ANKRD26: variants seen among roughly 807,000 people sequenced by gnomAD.
ANKRD26 encodes the protein ankyrin repeat domain 26, also known as ankyrin repeat domain-containing protein 26.
ANKRD26 carries 141 observed loss-of-function variants against 208.7 expected under a neutral mutation model. The ratio of observed to expected loss-of-function variants is 0.68; its 90% CI spans 0.59 to 0.78. ANKRD26 has a LOEUF of 0.78. ANKRD26 is among the 30% of genes least tolerant of loss of function. The probability of loss-of-function intolerance (pLI) is 0.00; values close to 1 mark genes in which losing one functional copy is unlikely to be tolerated. For synonymous variants in ANKRD26, 636 were observed against 660.4 expected, an observed-to-expected ratio of 0.96 and a Z score of 0.57; for missense variants, 1,889 against 1,938.7, an observed-to-expected ratio of 0.97 and a Z score of 0.48.
intron 6 of ANKRD26, among the ~76,000 whole-genome samples, chr10:27,081,710 A>C (rs2055909764): frequency 6.6e-6 from 1 of 152,282 alleles, no homozygotes; most frequent in South Asian, 2.1e-4. Flanking sequence ...CTGGATAAAG[A>C]AAATGTGGTA....
chr10:27,026,175 G>C (rs2053651624), intron 27 of ANKRD26, among the ~76,000 whole-genome samples: 1 of 152,144 alleles, frequency 6.6e-6, no homozygotes, highest in Non-Finnish European at 1.5e-5. Flanking sequence ...TTGATGAGTT[G>C]GTTGAAAGCG....
At chr10:27,087,488 C>G (rs1194919146) in intron 4 of ANKRD26, among the ~76,000 whole-genome samples, 1 of 152,188 alleles carries the variant, frequency 6.6e-6, no homozygotes, top group Non-Finnish European at 1.5e-5. Context: ...GAAAATGTTA[C>G]TAAGTCCTAA....
the ANKRD26 span, among the ~76,000 whole-genome samples, chr10:26,967,604 A>G: frequency 2.0e-5 from 3 of 152,140 alleles, no homozygotes; most frequent in Admixed American, 2.0e-4. Flanking sequence ...CTCTCCTCCA[A>G]TGGTCTACAG....
At chr10:26,963,867 T>TA in the ANKRD26 span, among the ~76,000 whole-genome samples, 5 of 151,566 alleles carry the variant, frequency 3.3e-5, no homozygotes, top group Non-Finnish European at 7.4e-5. Context: ...GTGTTATTTT[T>TA]ATTGGTTTTT....
At position 27,033,206 on chromosome 10, in the gene ANKRD26, T is replaced by C. The variant is rs1452305818; in HGVS notation, c.3807+19A>G. 2 of 1,591,636 alleles carry C rather than the reference T, an allele frequency of 1.3e-6. No homozygotes were observed. The highest frequency in any genetic ancestry group is 1.7e-6 in the Non-Finnish European group (2 of 1,162,520). On this transcript the variant is annotated intron_variant, in intron 25 of 33. Transcript: ENST00000376087. ...CCAGTTATAGATTAACTGTTTGACATGTTAAATTTCATACATACTTGATTT... is the reference window on the plus strand; with the variant it reads ...CCAGTTATAGATTAACTGTTTGACACGTTAAATTTCATACATACTTGATTT...
In ANKRD26 at chr10:27,061,123, A is replaced by T. The variant is rs374206941; in HGVS notation, c.1462+21T>A. The T allele has an allele frequency of 4.6e-6, 7 of 1,518,238 alleles. No homozygotes were observed. The African/African-American group carries it at 9.6e-5, about 21-fold the overall frequency. 94.0% of individuals were successfully genotyped at this position (1,518,238 alleles called of 1,614,324 possible). A position where few individuals can be genotyped will look rare whatever the true frequency, so the allele number is the denominator to read the frequency against. ...ACTTGTAGAATAACAGTTAACAAAAATACGCATTTTTTTTCCATACCCATG... is the reference window on the plus strand; with the variant it reads ...ACTTGTAGAATAACAGTTAACAAAATTACGCATTTTTTTTCCATACCCATG... On this transcript the variant is annotated intron_variant, in intron 13 of 33. Coordinates refer to ENST00000376087, the MANE Select transcript of ANKRD26 (RefSeq NM_014915.3).
intron 15 of ANKRD26, 95 bp downstream of exon 15, chr10:27,060,250 A>G: frequency 8.2e-7 from 1 of 1,226,442 alleles, no homozygotes. Context: ...TTGGAGAAAA[A>G]AAGAATTAGG....
At chr10:26,995,130 G>A (rs1475909187) in exon 5 of ANKRD26, 3 of 470,990 alleles carry the variant, frequency 6.4e-6, no homozygotes, top group Admixed American at 2.3e-5. Flanking sequence ...AGTCATGAGG[G>A]GTTTCATCAG....
At chr10:27,027,909 A>T (rs1340041862) in intron 27 of ANKRD26, among the ~76,000 whole-genome samples, 1 of 152,172 alleles carries the variant, frequency 6.6e-6, no homozygotes, top group Non-Finnish European at 1.5e-5. Context: ...TCAGATTTTG[A>T]ATTTTATCTT....
At chr10:27,024,083 T>C (rs528727534) in intron 28 of ANKRD26, among the ~76,000 whole-genome samples, 42 of 152,122 alleles carry the variant, frequency 2.8e-4, no homozygotes, top group African/African-American at 9.9e-4. Context: ...GATAGGTTTT[T>C]AGATATTAAA....
chr10:27,041,119 A>C (rs981645937), intron 20 of ANKRD26, among the ~76,000 whole-genome samples: 1 of 152,072 alleles, frequency 6.6e-6, no homozygotes, highest in Non-Finnish European at 1.5e-5. Context: ...CAGAGTTTCT[A>C]GGTCATGATG....
intron 9 of ANKRD26, among the ~76,000 whole-genome samples, chr10:27,071,818 C>T (rs1386620399): frequency 6.6e-6 from 1 of 152,144 alleles, no homozygotes; most frequent in African/African-American, 2.4e-5. Flanking sequence ...GAAGCCCTAA[C>T]TCCCCCCGCG....
At chr10:26,975,772 G>A (rs2052217671) in exon 6 of ANKRD26, among the ~76,000 whole-genome samples, 1 of 151,980 alleles carries the variant, frequency 6.6e-6, no homozygotes, top group Non-Finnish European at 1.5e-5. Context: ...AACCCAGGAG[G>A]CAGAGGTTGC....
At chr10:26,980,924 T>A (rs1209200646) in intron 4 of ANKRD26, among the ~76,000 whole-genome samples, 1 of 152,144 alleles carries the variant, frequency 6.6e-6, no homozygotes, top group South Asian at 2.1e-4. Flanking sequence ...AGTTATCAGT[T>A]AGTATCTCTA....
At chr10:26,975,875 A>C (rs1187771047) in exon 6 of ANKRD26, among the ~76,000 whole-genome samples, 1 of 151,486 alleles carries the variant, frequency 6.6e-6, no homozygotes, top group African/African-American at 2.4e-5. Flanking sequence ...TAAATAAATA[A>C]ATAATAAATA....
chr10:27,093,747 G>A lies in ANKRD26; in HGVS notation c.295C>T (p.Leu99=). Residue 99 remains leucine (L), a synonymous_variant, in exon 2 of 34, where the codon CTG becomes TTG. Transcript: ENST00000376087. ...TTGAGCTGGCATTTTCTGTCCACCA[G>A]GAGAGTTACTACTTCTGGATGACCA... ...ANGHPEVVTL[L]VDRKCQLNVC... 1 of 1,614,232 alleles carries A rather than the reference G, an allele frequency of 6.2e-7. No individual in the cohort carries two copies. The highest frequency in any genetic ancestry group is 8.5e-7 in the Non-Finnish European group (1 of 1,180,054).
chr10:27,077,492 TCAAACAAAGTTCTATTTC>T lies in ANKRD26; in HGVS notation c.905_922del (p.Gly302_Phe307del). On this transcript the variant is annotated inframe_deletion, in exon 9 of 34. Transcript: ENST00000376087. Reference sequence around the variant, plus strand: ...ATCTTGACTATCGGAATCTCTATCCTCAAACAAAGTTCTATTTCCTGTTCTCACAGTGCCATATGTTGC... The same window carrying T: ...ATCTTGACTATCGGAATCTCTATCCTCTGTTCTCACAGTGCCATATGTTGC... 1 of 1,614,082 alleles carries T rather than the reference TCAAACAAAGTTCTATTTC, an allele frequency of 6.2e-7. No individual in the cohort carries two copies. The highest frequency in any genetic ancestry group is 8.5e-7 in the Non-Finnish European group (1 of 1,179,978).
At chr10:27,042,930 T>C (rs964713287) in intron 20 of ANKRD26, among the ~76,000 whole-genome samples, 22 of 145,328 alleles carry the variant, frequency 1.5e-4, no homozygotes, top group African/African-American at 3.1e-4. Context: ...TCCAGCCTGA[T>C]TGACAGAGTG....
At chr10:27,005,875 A>C (rs760464238) in intron 33 of ANKRD26, 152 bp from the exon 34 acceptor site, 8 of 1,031,608 alleles carry the variant, frequency 7.8e-6, no homozygotes, top group Non-Finnish European at 1.0e-5. Context: ...TATTAAATAT[A>C]ATTTGCCCAT....
Sources: allele counts gnomAD v4.1 joint callset (sites outside exome capture counted in the v4.1 genomes callset), GRCh38; gene constraint gnomAD v4.1.1; transcripts MANE v1.5; gene names NCBI Gene and HGNC (gene_info 2026-07-23, HGNC 2026-07-21).